The following ZMAT4 variants were observed in gnomAD, a reference collection of about 807,000 sequenced individuals.
ZMAT4 encodes the protein zinc finger matrin-type 4, also known as zinc finger matrin-type protein 4.
Under a neutral mutation model 28.7 loss-of-function variants are expected in ZMAT4, and 17 were observed. That is an observed-to-expected ratio of 0.59 (90% confidence interval 0.41 to 0.89). The LOEUF is 0.89. ZMAT4 is among the 40% of genes least tolerant of loss of function. ZMAT4 has a pLI of 0.00. For synonymous variants in ZMAT4, 117 were observed against 109.2 expected (o/e 1.07, Z -0.44); for missense variants, 240 against 283.8 (o/e 0.85, Z 1.11).
chr8:40,706,118 T>A (rs1385628252), intron 3 of ZMAT4, among the ~76,000 whole-genome samples: 3 of 152,182 alleles, frequency 2.0e-5, no homozygotes, highest in Non-Finnish European at 4.4e-5. Flanking sequence ...AGTGATGCGA[T>A]CTCAGCTCAC....
intron 1 of ZMAT4, among the ~76,000 whole-genome samples, chr8:40,840,502 G>A (rs1816663654): frequency 6.6e-6 from 1 of 152,104 alleles, no homozygotes; most frequent in Non-Finnish European, 1.5e-5. Context: ...GGCAAACCCT[G>A]ACTGTGGCAT....
At chr8:40,830,015 G>A (rs965029087) in intron 1 of ZMAT4, among the ~76,000 whole-genome samples, 2 of 152,136 alleles carry the variant, frequency 1.3e-5, no homozygotes, top group African/African-American at 4.8e-5. Context: ...AGAAGAGCCA[G>A]GTCCCGAAAT....
intron 3 of ZMAT4, among the ~76,000 whole-genome samples, chr8:40,711,289 A>T (rs1391590851): frequency 1.3e-5 from 2 of 152,202 alleles, no homozygotes; most frequent in African/African-American, 4.8e-5. Context: ...AAATTATTCC[A>T]ATTAATCAAT....
chr8:40,547,916 A>T (rs1304925186), intron 6 of ZMAT4, among the ~76,000 whole-genome samples: 1 of 152,224 alleles, frequency 6.6e-6, no homozygotes, highest in African/African-American at 2.4e-5. Flanking sequence ...AGTGTTATGA[A>T]GGATGCGGAA....
At chr8:40,790,028 C>CA (rs1167393635) in intron 2 of ZMAT4, among the ~76,000 whole-genome samples, 1 of 152,208 alleles carries the variant, frequency 6.6e-6, no homozygotes, top group South Asian at 2.1e-4. Flanking sequence ...CCAATACCTC[C>CA]AGTCAAGGCA....
chr8:40,644,153 G>T (rs1277772130), intron 5 of ZMAT4, among the ~76,000 whole-genome samples: 2 of 152,086 alleles, frequency 1.3e-5, no homozygotes, highest in African/African-American at 4.8e-5. Context: ...AAGCTTAAAG[G>T]TATAGATGCC....
chr8:40,784,268 A>T (rs757072771), intron 2 of ZMAT4, among the ~76,000 whole-genome samples: 5 of 152,210 alleles, frequency 3.3e-5, no homozygotes, highest in Non-Finnish European at 7.4e-5. Flanking sequence ...ATAGCACAAC[A>T]TGAAAAAATC....
chr8:40,892,723 C>T (rs1333553555), intron 1 of ZMAT4, among the ~76,000 whole-genome samples: 1 of 152,180 alleles, frequency 6.6e-6, no homozygotes, highest in East Asian at 1.9e-4. Flanking sequence ...GCATCATCTG[C>T]CACATCTGGA....
chr8:40,759,955 T>C (rs997368762), intron 3 of ZMAT4, among the ~76,000 whole-genome samples: 17 of 152,148 alleles, frequency 1.1e-4, no homozygotes, highest in Non-Finnish European at 1.0e-4. Flanking sequence ...AACTGAACTA[T>C]CTGTCCCCAC....
At position 40,531,074 on chromosome 8, in the gene ZMAT4, G is replaced by C. The variant is rs1431505487; in HGVS notation, c.*1149C>G. 2 of 152,614 alleles carry C rather than the reference G, an allele frequency of 1.3e-5. No individual in the cohort carries two copies. Among genetic ancestry groups the C allele is most frequent in the African/African-American group, 4.8e-5 (2 of 41,426 alleles). The allele number at this position is 152,614 out of a possible 1,614,324, so 9.5% of individuals were successfully genotyped here. Reference sequence around the variant, plus strand: ...TCCCAGCTGGTCCATGCAGGGCATCGTCAGTAGAAGCTCAACGTCCCACTT... The same window carrying C: ...TCCCAGCTGGTCCATGCAGGGCATCCTCAGTAGAAGCTCAACGTCCCACTT... On this transcript the variant is annotated 3_prime_UTR_variant, in exon 7 of 7. Coordinates refer to ENST00000297737, the MANE Select transcript of ZMAT4 (RefSeq NM_024645.3).
chr8:40,632,384 T>G (rs967865301), intron 5 of ZMAT4, among the ~76,000 whole-genome samples: 3 of 152,074 alleles, frequency 2.0e-5, no homozygotes, highest in African/African-American at 7.2e-5. Context: ...TGCAAAACAA[T>G]GCTATCTCAA....
chr8:40,812,423 G>A (rs1815356223), intron 2 of ZMAT4, among the ~76,000 whole-genome samples: 1 of 152,204 alleles, frequency 6.6e-6, no homozygotes, highest in South Asian at 2.1e-4. Context: ...TATCTCGGCT[G>A]AGGGCCATCC....
chr8:40,691,469 G>A (rs1365436248), intron 4 of ZMAT4, among the ~76,000 whole-genome samples: 1 of 151,496 alleles, frequency 6.6e-6, no homozygotes, highest in Non-Finnish European at 1.5e-5. Context: ...AAGGCAGAAT[G>A]TCACCGTGTT....
chr8:40,594,623 T>C (rs1232455407), intron 5 of ZMAT4, among the ~76,000 whole-genome samples: 1 of 152,228 alleles, frequency 6.6e-6, no homozygotes, highest in Non-Finnish European at 1.5e-5. Context: ...CCCAAACAGC[T>C]CAATCAGTGT....
chr8:40,669,235 C>T (rs1008692298), intron 5 of ZMAT4, among the ~76,000 whole-genome samples: 9 of 152,042 alleles, frequency 5.9e-5, no homozygotes, highest in Non-Finnish European at 1.0e-4. Context: ...GAAAACAAGT[C>T]GATGTTAGAC....
Position 40,786,130 on chromosome 8 carries a change from A to G in ZMAT4, c.103-18400T>C, listed in dbSNP as rs145200803. 8.7e-4 allele frequency among the ~76,000 whole-genome samples: 133 copies of G among 152,212 alleles called. 1 individual carries two copies. Among genetic ancestry groups the G allele is most frequent in the African/African-American group, 3.1e-3 (129 of 41,528 alleles). ...AGAAGAAATTTGTGCCTTAAACACA[A>G]CCATCTGTTCTCTTCTGCACAGCCC... is the stretch of plus-strand genomic sequence containing the variant. On this transcript the variant is annotated intron_variant, in intron 2 of 6. Coordinates refer to ENST00000297737, the MANE Select transcript of ZMAT4 (RefSeq NM_024645.3).
intron 5 of ZMAT4, among the ~76,000 whole-genome samples, chr8:40,599,034 C>T (rs1330171710): frequency 6.6e-6 from 1 of 152,124 alleles, no homozygotes; most frequent in South Asian, 2.1e-4. Context: ...CTCTTAAATG[C>T]CTGACATTGA....
chr8:40,618,588 CATTT>C (rs1210995719), intron 5 of ZMAT4, among the ~76,000 whole-genome samples: 41 of 151,240 alleles, frequency 2.7e-4, no homozygotes, highest in Non-Finnish European at 2.9e-5. Flanking sequence ...GCTACCAATT[CATTT>C]GTTTAATGTA....
chr8:40,849,740 G>C (rs1041715021), intron 1 of ZMAT4, among the ~76,000 whole-genome samples: 1 of 152,172 alleles, frequency 6.6e-6, no homozygotes, highest in African/African-American at 2.4e-5. Context: ...TCTCATTCAT[G>C]AGGATCTCCT....
Sources: allele counts gnomAD v4.1 joint callset (sites outside exome capture counted in the v4.1 genomes callset), GRCh38; gene constraint gnomAD v4.1.1; transcripts MANE v1.5; gene names NCBI Gene and HGNC (gene_info 2026-07-23, HGNC 2026-07-21).